The following WDPCP variants were observed in gnomAD, a reference collection of about 807,000 sequenced individuals.
WDPCP encodes WD repeat-containing and planar cell polarity effector protein fritz homolog.
Under a neutral mutation model 93.1 loss-of-function variants are expected in WDPCP, and 71 were observed. The observed-to-expected ratio is 0.76, with a 90% CI of 0.63 to 0.93. The LOEUF is 0.93. WDPCP is among the 40% of genes least tolerant of loss of function. The pLI is 0.00. For synonymous variants in WDPCP, 315 were observed against 315.0 expected (o/e 1.00, Z 0.00); for missense variants, 844 against 887.4 (o/e 0.95, Z 0.62).
intron 16 of WDPCP, 72 bp downstream of exon 16, chr2:63,153,423 G>T: frequency 8.5e-7 from 1 of 1,181,196 alleles, no homozygotes; most frequent in Non-Finnish European, 1.2e-6. Flanking sequence ...TTAATTTACT[G>T]AAAGTTCTTG....
intron 1 of WDPCP, among the ~76,000 whole-genome samples, chr2:63,567,277 T>C (rs1020788806): frequency 6.6e-6 from 1 of 152,192 alleles, no homozygotes; most frequent in Non-Finnish European, 1.5e-5. Context: ...TTGGTCTTTC[T>C]GGCTACCAGC....
chr2:63,460,493 T>C (rs1157401304), intron 6 of WDPCP, among the ~76,000 whole-genome samples: 1 of 152,140 alleles, frequency 6.6e-6, no homozygotes, highest in African/African-American at 2.4e-5. Context: ...AATACCAACA[T>C]GTAAAAATAC....
In WDPCP at chr2:63,391,946, A is replaced by G. The variant is rs573968817; in HGVS notation, c.1436-9852T>C. ...GGATAGGAAGAATCAATATCGTGAAAATGGCCATACTGCCCAAGGTAATTT... is the reference window on the plus strand; with the variant it reads ...GGATAGGAAGAATCAATATCGTGAAGATGGCCATACTGCCCAAGGTAATTT... On this transcript the variant is annotated intron_variant, in intron 10 of 17. Transcript: ENST00000272321. 2.0e-5 allele frequency among the ~76,000 whole-genome samples: 3 copies of G among 152,308 alleles called. No individual in the cohort carries two copies. The East Asian group carries it at 5.8e-4, about 29-fold the overall frequency.
chr2:63,185,411 C>T (rs2104144449), intron 14 of WDPCP, among the ~76,000 whole-genome samples: 1 of 152,032 alleles, frequency 6.6e-6, no homozygotes, highest in African/African-American at 2.4e-5. Flanking sequence ...TCCCCCACCC[C>T]CAAATCCTTG....
At chr2:63,658,852 T>C (rs1710195846) in intron 2 of WDPCP, among the ~76,000 whole-genome samples, 1 of 152,244 alleles carries the variant, frequency 6.6e-6, no homozygotes, top group East Asian at 1.9e-4. Flanking sequence ...CCACTGCTTT[T>C]GTTTCCTCAG....
At chr2:63,743,900 C>T (rs1669759403) in intron 2 of WDPCP, among the ~76,000 whole-genome samples, 2 of 152,108 alleles carry the variant, frequency 1.3e-5, no homozygotes, top group African/African-American at 4.8e-5. Flanking sequence ...GTAGAAATCA[C>T]ATAACTTAAT....
chr2:63,752,791 C>T (rs550079352), intron 2 of WDPCP, among the ~76,000 whole-genome samples: 1 of 152,246 alleles, frequency 6.6e-6, no homozygotes, highest in South Asian at 2.1e-4. Flanking sequence ...TTCCCAGGTT[C>T]AAGCAACTCT....
chr2:63,792,748 T>TCC (rs898471793), intron 2 of WDPCP, among the ~76,000 whole-genome samples: 3 of 152,068 alleles, frequency 2.0e-5, no homozygotes, highest in Non-Finnish European at 2.9e-5. Context: ...AGTAGGGGTT[T>TCC]CTCATCATGG....
intron 1 of WDPCP, among the ~76,000 whole-genome samples, chr2:63,528,205 A>C (rs1032060667): frequency 6.6e-6 from 1 of 152,122 alleles, no homozygotes; most frequent in African/African-American, 2.4e-5. Flanking sequence ...TCCTGTGCAG[A>C]AGCTCTTTAG....
chr2:63,403,133 G>A lies in WDPCP; in HGVS notation c.1435+915C>T, dbSNP rs1049586788. Among the ~76,000 whole-genome samples, 8 of 152,056 alleles carry A rather than the reference G, an allele frequency of 5.3e-5. No homozygotes were observed. The East Asian group carries it at 5.8e-4, about 11-fold the overall frequency. ...TAATGTTTTTTGCAGGAACTTGGAC[G>A]GAGCTGAACGCCATTATCCTTAGCA... is the stretch of plus-strand genomic sequence containing the variant. On this transcript the variant is annotated intron_variant, in intron 10 of 17. Coordinates refer to ENST00000272321, the MANE Select transcript of WDPCP (RefSeq NM_015910.7).
rs548979626 is a variant in WDPCP at position 63,784,135 on chromosome 2, G to C, written n.308+29487C>G. 1.1e-4 allele frequency among the ~76,000 whole-genome samples: 16 copies of C among 152,196 alleles called. No individual in the cohort carries two copies. The South Asian group carries it at 3.3e-3, about 32-fold the overall frequency. ...ATATCTAGCATCTGGCACTGTACTT[G>C]AGACATATGGTCAATAAATATTTGT... On this transcript the variant is annotated intron_variant and non_coding_transcript_variant, in intron 2 of 4. Transcript: ENST00000467687.
intron 13 of WDPCP, among the ~76,000 whole-genome samples, chr2:63,299,747 C>T (rs547871706): frequency 6.6e-6 from 1 of 152,294 alleles, no homozygotes; most frequent in East Asian, 1.9e-4. Flanking sequence ...CTCCAGTCCC[C>T]TTCCATAGTG....
intron 15 of WDPCP, among the ~76,000 whole-genome samples, chr2:63,154,291 C>G (rs1189244287): frequency 1.3e-5 from 2 of 152,012 alleles, no homozygotes; most frequent in Non-Finnish European, 2.9e-5. Flanking sequence ...AAAACCCTCC[C>G]TTATATACTT....
chr2:63,501,347 C>G (rs755267488), intron 1 of WDPCP, among the ~76,000 whole-genome samples: 4 of 152,070 alleles, frequency 2.6e-5, no homozygotes, highest in Admixed American at 1.3e-4. Context: ...AAGGATTGCT[C>G]TAAGTCAGGA....
chr2:63,776,082 CATA>C lies in WDPCP; in HGVS notation n.308+37537_308+37539del, dbSNP rs1479443205. On this transcript the variant is annotated intron_variant and non_coding_transcript_variant, in intron 2 of 4. Coordinates refer to the WDPCP transcript ENST00000467687. ...CTGCCTATAAATACACATATACATACATACATACATACATACATACATACATAC... is the reference window on the plus strand; with the variant it reads ...CTGCCTATAAATACACATATACATACCATACATACATACATACATACATAC... Among the ~76,000 whole-genome samples the C allele has an allele frequency of 5.5e-5, 5 of 91,210 alleles. No individual in the cohort carries two copies. In the East Asian group the frequency reaches 0.016, roughly 294 times the overall value. 59.8% of individuals were successfully genotyped at this position (91,210 alleles called of 152,430 possible).
chr2:63,803,069 C>A (rs1358590563), intron 2 of WDPCP, among the ~76,000 whole-genome samples: 1 of 152,180 alleles, frequency 6.6e-6, no homozygotes. Flanking sequence ...GTAACACAGA[C>A]ACCTCATATA....
At chr2:63,205,535 C>T in intron 14 of WDPCP, among the ~76,000 whole-genome samples, 1 of 151,948 alleles carries the variant, frequency 6.6e-6, no homozygotes, top group East Asian at 1.9e-4. Context: ...TTATACAGAT[C>T]TTTCACTTCT....
chr2:63,172,182 T>C (rs1315155886), intron 15 of WDPCP, among the ~76,000 whole-genome samples: 2 of 152,166 alleles, frequency 1.3e-5, no homozygotes, highest in African/African-American at 4.8e-5. Context: ...GAATTTATGG[T>C]ATATGTAAGT....
intron 14 of WDPCP, among the ~76,000 whole-genome samples, chr2:63,198,500 G>A (rs773863074): frequency 3.9e-5 from 6 of 152,088 alleles, no homozygotes; most frequent in Non-Finnish European, 7.4e-5. Flanking sequence ...ACTTTGGGAG[G>A]GGTGATCCCC....
Sources: allele counts gnomAD v4.1 joint callset (sites outside exome capture counted in the v4.1 genomes callset), GRCh38; gene constraint gnomAD v4.1.1; transcripts MANE v1.5; gene names NCBI Gene and HGNC (gene_info 2026-07-23, HGNC 2026-07-21).